CDK5RAP2: variants seen among roughly 807,000 people sequenced by gnomAD.
CDK5RAP2 encodes the protein CDK5 regulatory subunit associated protein 2.
In CDK5RAP2, 147 loss-of-function variants were observed where a neutral mutation model predicts 232.9. That is an observed-to-expected ratio of 0.63 (90% CI 0.55 to 0.72). CDK5RAP2 has a LOEUF of 0.72. CDK5RAP2 is among the 30% of genes least tolerant of loss of function. The pLI, the probability that CDK5RAP2 is intolerant of heterozygous loss-of-function variation, is 0.00. For missense variants in CDK5RAP2, 2,195 were observed against 2,231.5 expected (o/e 0.98, Z 0.33); for synonymous variants, 833 against 833.7 (o/e 1.00, Z 0.01).
chr9:120,529,603 C>T (rs575989253), intron 8 of CDK5RAP2, among the ~76,000 whole-genome samples: 4 of 152,192 alleles, frequency 2.6e-5, no homozygotes, highest in Non-Finnish European at 5.9e-5. Context: ...AAGTTGCAGA[C>T]CAAAGTTGGC....
At chr9:120,488,406 CA>C (rs1157443169) in intron 13 of CDK5RAP2, among the ~76,000 whole-genome samples, 2 of 152,060 alleles carry the variant, frequency 1.3e-5, no homozygotes, top group Admixed American at 6.5e-5. Context: ...TTCTAAAGTC[CA>C]ATTATAGATA....
chr9:120,453,316 G>C (rs2036574919), intron 21 of CDK5RAP2, 140 bp downstream of exon 21: 4 of 735,494 alleles, frequency 5.4e-6, no homozygotes, highest in South Asian at 3.7e-5. Context: ...TCTGGGTGGA[G>C]GCCAGGGTAA....
At chr9:120,483,311 G>A (rs1050611149) in intron 14 of CDK5RAP2, among the ~76,000 whole-genome samples, 2 of 152,206 alleles carry the variant, frequency 1.3e-5, no homozygotes, top group African/African-American at 2.4e-5. Context: ...CCAGGCCCTC[G>A]GCCCACTTGC....
chr9:120,481,983 A>G (rs2038344501), intron 14 of CDK5RAP2, among the ~76,000 whole-genome samples: 1 of 152,234 alleles, frequency 6.6e-6, no homozygotes, highest in African/African-American at 2.4e-5. Flanking sequence ...TCCAAGTGCT[A>G]TACTAGCTAC....
chr9:120,555,329 G>A (rs754100911), intron 3 of CDK5RAP2, among the ~76,000 whole-genome samples: 1 of 151,946 alleles, frequency 6.6e-6, no homozygotes, highest in Non-Finnish European at 1.5e-5. Context: ...ATAGAGACGA[G>A]GTTTCACCAT....
At chr9:120,497,420 T>TAAAAA (rs1564300312) in intron 12 of CDK5RAP2, among the ~76,000 whole-genome samples, 1 of 22,212 alleles carries the variant, frequency 4.5e-5, no homozygotes, top group African/African-American at 9.1e-5. Flanking sequence ...AAAAATAAAT[T>TAAAAA]TAAAAAAAAA....
At position 120,553,612 on chromosome 9, in the gene CDK5RAP2, C is replaced by T. The variant is rs990337338; in HGVS notation, c.196-2710G>A. Among the ~76,000 whole-genome samples the T allele has an allele frequency of 2.0e-5, 3 of 152,156 alleles. No homozygotes were observed. In the East Asian group the frequency reaches 5.8e-4, roughly 29 times the overall value. ...AGTGCATAGTGCTTGGAATGAGCCA[C>T]AAAGCAAACTTCTAGGGCACTGATA... On this transcript the variant is annotated intron_variant, in intron 3 of 37. Transcript: ENST00000349780.
chr9:120,544,088 C>T (rs886850158), intron 5 of CDK5RAP2, among the ~76,000 whole-genome samples: 4 of 152,116 alleles, frequency 2.6e-5, no homozygotes, highest in Non-Finnish European at 5.9e-5. Flanking sequence ...TCTGAATAAA[C>T]GAATAAAGCT....
At chr9:120,397,848 G>A (rs1042133566) in intron 35 of CDK5RAP2, among the ~76,000 whole-genome samples, 1 of 152,204 alleles carries the variant, frequency 6.6e-6, no homozygotes, top group Non-Finnish European at 1.5e-5. Flanking sequence ...TGATTCAGCA[G>A]GTTTGGTGTG....
Position 120,565,987 on chromosome 9 carries a change from G to A in CDK5RAP2, c.195+2334C>T, listed in dbSNP as rs566551998. The stretch of plus-strand genomic sequence containing the variant: ...AATGTTTATTAAATGGATGAACTCT[G>A]AGGAAAACCAGAAGGTGACCTATGT... On this transcript the variant is annotated intron_variant, in intron 3 of 37. Transcript: ENST00000349780. 2.5e-4 allele frequency among the ~76,000 whole-genome samples: 38 copies of A among 152,330 alleles called. No homozygotes were observed. The South Asian group carries it at 7.7e-3, about 31-fold the overall frequency.
chr9:120,553,427 A>G (rs570326943), intron 3 of CDK5RAP2, among the ~76,000 whole-genome samples: 30 of 152,278 alleles, frequency 2.0e-4, no homozygotes, highest in African/African-American at 7.2e-4. Context: ...TCCTACCAAC[A>G]TCCCCAGTTT....
intron 12 of CDK5RAP2, among the ~76,000 whole-genome samples, chr9:120,509,031 A>G (rs952330990): frequency 6.6e-6 from 1 of 152,190 alleles, no homozygotes; most frequent in African/African-American, 2.4e-5. Flanking sequence ...GCAATTCCAT[A>G]TAAAAACTGT....
intron 22 of CDK5RAP2, among the ~76,000 whole-genome samples, chr9:120,444,594 G>A (rs2036081797): frequency 1.3e-5 from 2 of 152,340 alleles, no homozygotes; most frequent in Middle Eastern, 3.4e-3. Context: ...TAAGGGAAGA[G>A]CAATTCTGCC....
At chr9:120,490,754 T>C (rs1458370243) in intron 13 of CDK5RAP2, among the ~76,000 whole-genome samples, 1 of 152,226 alleles carries the variant, frequency 6.6e-6, no homozygotes, top group Non-Finnish European at 1.5e-5. Flanking sequence ...TATACCTGCT[T>C]CTATTCTCCT....
chr9:120,577,776 C>T (rs561845861), intron 1 of CDK5RAP2, among the ~76,000 whole-genome samples: 1 of 152,218 alleles, frequency 6.6e-6, no homozygotes, highest in Admixed American at 6.5e-5. Flanking sequence ...GTGACTTGCC[C>T]CAGATCAAGG....
chr9:120,440,234 AC>A (rs2035821756), intron 23 of CDK5RAP2: 1 of 529,870 alleles, frequency 1.9e-6, no homozygotes, highest in South Asian at 2.1e-5. Context: ...AGTAATTTTA[AC>A]CATGATAAAC....
At chr9:120,556,362 T>C (rs2042227853) in intron 3 of CDK5RAP2, among the ~76,000 whole-genome samples, 1 of 152,024 alleles carries the variant, frequency 6.6e-6, no homozygotes, top group Non-Finnish European at 1.5e-5. Flanking sequence ...ACATAAACAC[T>C]CATCACGTAT....
intron 36 of CDK5RAP2, chr9:120,389,988 A>G: frequency 4.9e-6 from 3 of 613,028 alleles, no homozygotes; most frequent in Non-Finnish European, 6.0e-6. Flanking sequence ...TAACGCATCA[A>G]CAACACCTCT....
intron 18 of CDK5RAP2, among the ~76,000 whole-genome samples, chr9:120,464,689 T>C (rs1462117036): frequency 6.6e-6 from 1 of 152,128 alleles, no homozygotes; most frequent in Non-Finnish European, 1.5e-5. Context: ...TCAGAAGCAC[T>C]GCCCTATGGT....
Sources: allele counts gnomAD v4.1 joint callset (sites outside exome capture counted in the v4.1 genomes callset), GRCh38; gene constraint gnomAD v4.1.1; transcripts MANE v1.5; gene names NCBI Gene and HGNC (gene_info 2026-07-23, HGNC 2026-07-21).